The following KIRREL2 variants were observed in gnomAD, a reference collection of about 807,000 sequenced individuals.
KIRREL2 encodes kirre like nephrin family adhesion molecule 2.
KIRREL2 carries 56 observed loss-of-function variants against 73.4 expected under a neutral mutation model. The ratio of observed to expected loss-of-function variants is 0.76; its 90% CI spans 0.62 to 0.95. The LOEUF (loss-of-function observed/expected upper bound fraction) is 0.95. Among genes scored for constraint, KIRREL2 ranks in the 40% least tolerant of loss-of-function variants. KIRREL2 has a pLI of 0.00. For missense variants in KIRREL2, 896 were observed against 935.0 expected (o/e 0.96, Z 0.54); for synonymous variants, 407 against 404.0 (o/e 1.01, Z -0.09).
rs772639958 is a variant in KIRREL2, at chr19:35,857,446, C to G, written c.163C>G (p.Gln55Glu). The G allele has an allele frequency of 8.1e-6, 13 of 1,612,204 alleles. No homozygotes were observed. Among genetic ancestry groups the G allele is most frequent in the Non-Finnish European group, 1.0e-5 (12 of 1,179,448 alleles). The change falls in exon 2 of 15, where the codon CAG becomes GAG. Residue 55 changes from glutamine (Q) to glutamate (E), a missense_variant. Physicochemically the swap from Gln to Glu is conservative, Grantham distance 29. Coordinates refer to ENST00000360202, the MANE Select transcript of KIRREL2 (RefSeq NM_199180.4). ...CALGAYWGLV[Q>E]WTKSGLALGG... ...TCTGGGCGCCTACTGGGGGCTAGTT[C>G]AGTGGACTAAGAGTGGGCTGGCCCT...
upstream of KIRREL2, chr19:35,856,821 C>T (rs1326286333): frequency 6.0e-6 from 3 of 500,874 alleles, no homozygotes; most frequent in African/African-American, 2.0e-5. This position sits in a 1 kb window ranked among gnomAD's most constrained non-coding sequence, Gnocchi z 5.9. Flanking sequence ...CGCGTCTCAG[C>T]CGCGGGAGTT....
At chr19:35,856,806 T>C, upstream of KIRREL2, 1 of 441,870 alleles carries the variant, frequency 2.3e-6, no homozygotes, top group Non-Finnish European at 4.1e-6. This position sits in a 1 kb window ranked among gnomAD's most constrained non-coding sequence, Gnocchi z 5.9. Context: ...CGTCCCCCAT[T>C]CATCCGCGTC....
chr19:35,857,107 C>A lies in KIRREL2; in HGVS notation c.-13C>A, dbSNP rs767191981. On this transcript the variant is annotated 5_prime_UTR_variant, in exon 1 of 15. Coordinates refer to ENST00000360202, the MANE Select transcript of KIRREL2 (RefSeq NM_199180.4). Reference sequence around the variant, plus strand: ...CCAGTGCGACGGCAAATCTCGTGAACCTTGGGGGACGAATGCTCAGGATGC... The same window carrying A: ...CCAGTGCGACGGCAAATCTCGTGAAACTTGGGGGACGAATGCTCAGGATGC... 1.2e-6 allele frequency: 2 copies of A among 1,613,826 alleles called. No individual in the cohort carries two copies.
upstream of KIRREL2, among the ~76,000 whole-genome samples, chr19:35,853,479 C>G (rs1170503406): frequency 1.3e-5 from 2 of 152,180 alleles, no homozygotes; most frequent in Non-Finnish European, 2.9e-5. Context: ...ATGTCTCTCT[C>G]TCTCCCTCCC....
At chr19:35,866,121 C>T (rs1479460305) in intron 14 of KIRREL2, 36 bp from the exon 15 acceptor site, 3 of 1,583,370 alleles carry the variant, frequency 1.9e-6, no homozygotes, top group Non-Finnish European at 2.6e-6. Flanking sequence ...CCCCTGCACG[C>T]TCACAGACTT....
At chr19:35,863,783 C>A (rs1175794985) in intron 13 of KIRREL2, among the ~76,000 whole-genome samples, 1 of 149,186 alleles carries the variant, frequency 6.7e-6, no homozygotes, top group Non-Finnish European at 1.5e-5. Context: ...TTCTTTCTTT[C>A]TTTTTTTTGA....
At position 35,861,620 on chromosome 19, in the gene KIRREL2, C is replaced by A; in HGVS notation, c.1269C>A (p.Ala423=). The stretch of plus-strand genomic sequence containing the variant: ...CTCGCCTCCAGTGTCTGGTTTTCGC[C>A]TCTCCCGCCCCAGATGCCGTGGTAA... ...GPARLQCLVF[A]SPAPDAVVWS... The change falls in exon 10 of 15, where the codon GCC becomes GCA. Residue 423 remains alanine, a synonymous_variant. Coordinates refer to ENST00000360202, the MANE Select transcript of KIRREL2 (RefSeq NM_199180.4). 6.2e-7 allele frequency: 1 copy of A among 1,613,452 alleles called. No homozygotes were observed. The highest frequency in any genetic ancestry group is 8.5e-7 in the Non-Finnish European group (1 of 1,179,780).
chr19:35,862,937 T>C lies in KIRREL2; in HGVS notation c.1626T>C (p.Ser542=). The change falls in exon 13 of 15, where the codon TCT becomes TCC. Residue 542 remains serine (S), a synonymous_variant. Transcript: ENST00000360202. ...CCWRHSKASA[S]FSEQKNLMRI... ...GTCGCTGTTTGTCAGCCTCAGCCTCTTTCTCCGAGCAAAAGAACCTGATGC... is the reference window on the plus strand; with the variant it reads ...GTCGCTGTTTGTCAGCCTCAGCCTCCTTCTCCGAGCAAAAGAACCTGATGC... 4 of 1,568,868 alleles carry C rather than the reference T, an allele frequency of 2.5e-6. No homozygotes were observed. Among genetic ancestry groups the C allele is most frequent in the Non-Finnish European group, 3.5e-6 (4 of 1,155,568 alleles).
Position 35,862,963 on chromosome 19 carries a change from G to T in KIRREL2, c.1652G>T (p.Arg551Leu), listed in dbSNP as rs894253941. 2 of 1,589,560 alleles carry T rather than the reference G, an allele frequency of 1.3e-6. No homozygotes were observed. Among genetic ancestry groups the T allele is most frequent in the Non-Finnish European group, 1.7e-6 (2 of 1,168,136 alleles). Residue 551 changes from arginine (R) to leucine (L), a missense_variant, in exon 13 of 15, where the codon CGA becomes CTA. Transcript: ENST00000360202. Reference protein sequence around the residue: ...ASFSEQKNLMRIPGSSDGSSS... With the variant: ...ASFSEQKNLMLIPGSSDGSSS... Reference sequence around the variant, plus strand: ...TTCTCCGAGCAAAAGAACCTGATGCGAATCCCTGGCAGCAGCGACGGCTCC... The same window carrying T: ...TTCTCCGAGCAAAAGAACCTGATGCTAATCCCTGGCAGCAGCGACGGCTCC...
upstream of KIRREL2, chr19:35,851,411 C>T (rs777529590): frequency 6.8e-6 from 11 of 1,612,384 alleles, no homozygotes; most frequent in South Asian, 2.2e-5. Flanking sequence ...AAGTCAGGGC[C>T]GCAGCTTCCG....
intron 2 of KIRREL2, 64 bp from the exon 3 acceptor site, chr19:35,858,344 G>A: frequency 6.4e-7 from 1 of 1,571,400 alleles, no homozygotes; most frequent in South Asian, 1.1e-5. Flanking sequence ...GATGTCTGGG[G>A]ATGGAGGCCT....
At position 35,857,468 on chromosome 19, in the gene KIRREL2, C is replaced by G; in HGVS notation, c.185C>G (p.Ala62Gly). 1 of 1,603,734 alleles carries G rather than the reference C, an allele frequency of 6.2e-7. No individual in the cohort carries two copies. Among genetic ancestry groups the G allele is most frequent in the Non-Finnish European group, 8.5e-7 (1 of 1,175,836 alleles). ...GTTCAGTGGACTAAGAGTGGGCTGG[C>G]CCTAGGGGGCCAAAGGGACCTACCA... ...GLVQWTKSGL[A>G]LGGQRDLPGW... is the part of the protein sequence containing the mutation. Residue 62 changes from alanine to glycine, a missense_variant, in exon 2 of 15, where the codon GCC (alanine) becomes GGC (glycine). Physicochemically the swap from Ala to Gly is moderately conservative, Grantham distance 60. Transcript: ENST00000360202.
At chr19:35,858,579 C>T (rs755655929) in intron 3 of KIRREL2, 22 bp downstream of exon 3, 3 of 1,613,088 alleles carry the variant, frequency 1.9e-6, no homozygotes, top group African/African-American at 1.3e-5. Context: ...GCCCACTTGT[C>T]CCCTGGGAGC....
In KIRREL2 at chr19:35,867,028, A is replaced by G. The variant is rs1271582813; in HGVS notation, c.*536A>G. 1 of 156,852 alleles carries G rather than the reference A, an allele frequency of 6.4e-6. No homozygotes were observed. Among genetic ancestry groups the G allele is most frequent in the Non-Finnish European group, 1.4e-5 (1 of 71,700 alleles). The allele number at this position is 156,852 out of a possible 1,614,324, so 9.7% of individuals were successfully genotyped here. A position where few individuals can be genotyped will look rare whatever the true frequency, so the allele number is the denominator to read the frequency against. On this transcript the variant is annotated 3_prime_UTR_variant, in exon 15 of 15. Coordinates refer to ENST00000360202, the MANE Select transcript of KIRREL2 (RefSeq NM_199180.4). Reference sequence around the variant, plus strand: ...GATTTTACTTTCCTTAAAGACTCAGAAAGACTTGGACCCAAGGAGTGGGGA... The same window carrying G: ...GATTTTACTTTCCTTAAAGACTCAGGAAGACTTGGACCCAAGGAGTGGGGA...
Position 35,861,635 on chromosome 19 carries a change from T to C in KIRREL2, c.1284T>C (p.Asp428=). Residue 428 remains aspartate (D), a synonymous_variant, in exon 10 of 15, where the codon GAT becomes GAC. Transcript: ENST00000360202. ...QCLVFASPAP[D]AVVWSWDEGF... ...TGGTTTTCGCCTCTCCCGCCCCAGA[T>C]GCCGTGGTAAGGAAATGTCACTCCT... 1.9e-6 allele frequency: 3 copies of C among 1,612,864 alleles called. No individual in the cohort carries two copies. Among genetic ancestry groups the C allele is most frequent in the Non-Finnish European group, 1.7e-6 (2 of 1,179,506 alleles).
chr19:35,863,129 A>T (rs1187469528), intron 13 of KIRREL2, 93 bp downstream of exon 13: 1 of 717,692 alleles, frequency 1.4e-6, no homozygotes, highest in Non-Finnish European at 2.4e-6. Context: ...TAGGACTCTA[A>T]GGCCAGGCAT....
intron 5 of KIRREL2, 84 bp from the exon 6 acceptor site, chr19:35,860,213 G>T: frequency 8.9e-7 from 1 of 1,127,066 alleles, no homozygotes. Context: ...CTCCTGGGAT[G>T]GAGGAACCAG....
upstream of KIRREL2, chr19:35,856,903 GGTC>G (rs1323081390): frequency 1.7e-5 from 11 of 636,508 alleles, no homozygotes; most frequent in Non-Finnish European, 2.0e-5. The surrounding 1 kb of genome is among the most constrained non-coding windows in gnomAD (Gnocchi z 5.9). Flanking sequence ...GCCCTCTTGG[GGTC>G]TCCCAGAGAC....
At position 35,861,181 on chromosome 19, in the gene KIRREL2, C is replaced by A; in HGVS notation, c.1116C>A (p.Asp372Glu). The A allele has an allele frequency of 6.3e-7, 1 of 1,582,370 alleles. No homozygotes were observed. Among genetic ancestry groups the A allele is most frequent in the South Asian group, 1.1e-5 (1 of 88,056 alleles). The part of the protein sequence containing the change: ...LPSVGPEDAG[D>E]YVCRAEAGLS... ...CGGTGGGGCCCGAGGACGCAGGCGACTATGTGTGCAGAGCTGAGGCTGGGC... is the reference window on the plus strand; with the variant it reads ...CGGTGGGGCCCGAGGACGCAGGCGAATATGTGTGCAGAGCTGAGGCTGGGC... Residue 372 changes from aspartate (D) to glutamate (E), a missense_variant, in exon 9 of 15, where the codon GAC becomes GAA. Transcript: ENST00000360202.
Sources: gnomAD v4.1 joint callset for allele counts (sites outside exome capture counted in the v4.1 genomes callset) on GRCh38, gnomAD v4.1.1 for gene constraint, Gnocchi (gnomAD v3.1) non-coding constraint, MANE v1.5 for transcripts, NCBI Gene and HGNC (gene_info 2026-07-23, HGNC 2026-07-21) for gene names.